COL16A1: variants seen among roughly 807,000 people sequenced by gnomAD.
The protein encoded by COL16A1 is collagen type XVI alpha 1 chain, also known as collagen alpha-1(XVI) chain.
A neutral mutation model predicts 266.3 loss-of-function variants in COL16A1; 189 were observed. The observed-to-expected ratio is 0.71, with a 90% CI of 0.63 to 0.80. COL16A1 has a LOEUF of 0.80. Among genes scored for constraint, COL16A1 ranks in the 30% least tolerant of loss-of-function variants. COL16A1 has a pLI of 0.00. For synonymous variants in COL16A1, 740 were observed against 782.3 expected (o/e 0.95, Z 0.90); for missense variants, 1,928 against 2,122.4 (o/e 0.91, Z 1.80).
chr1:31,679,539 G>C (rs113432435), intron 42 of COL16A1, 93 bp downstream of exon 42: 10 of 1,613,982 alleles, frequency 6.2e-6, no homozygotes, highest in African/African-American at 5.3e-5. Flanking sequence ...TTTTTGGGGT[G>C]GGGGAGCAGC....
In COL16A1 at chr1:31,655,487, C is replaced by T. The variant is rs1158943256; in HGVS notation, c.4117G>A (p.Ala1373Thr). 2 of 1,614,054 alleles carry T rather than the reference C, an allele frequency of 1.2e-6. No homozygotes were observed. The highest frequency in any genetic ancestry group is 2.7e-5 in the African/African-American group (2 of 75,034). Residue 1373 changes from alanine (A) to threonine (T), a missense_variant, in exon 67 of 71, where the codon GCA becomes ACA. Physicochemically the swap from Ala to Thr is moderately conservative, Grantham distance 58. This residue lies in a region of COL16A1 where 376 missense variants were observed against 485.2 expected (regional missense o/e 0.77). Transcript: ENST00000373672. ...PPGPKGDPGA[A>T]GQKGQAGEKG... ...TCTCCTGCCTGGCCCTTCTGTCCTG[C>T]AGCTCCTGGATCACCCTACAAAGAT...
chr1:31,657,820 G>A lies in COL16A1; in HGVS notation c.4020+668C>T, dbSNP rs1347478394. 1.3e-5 allele frequency among the ~76,000 whole-genome samples: 2 copies of A among 152,348 alleles called. No individual in the cohort carries two copies. The highest frequency in any genetic ancestry group is 2.1e-4 in the South Asian group (1 of 4,832). On this transcript the variant is annotated intron_variant, in intron 64 of 70. Transcript: ENST00000373672. The surrounding 1 kb of genome is among the most constrained non-coding windows in gnomAD (Gnocchi z 6.4). ...GTTCACCTGTCTGGAACTTTTGAGAGAGGTAGATTTGCAGAGTGGCTAAGG... is the reference window on the plus strand; with the variant it reads ...GTTCACCTGTCTGGAACTTTTGAGAAAGGTAGATTTGCAGAGTGGCTAAGG...
chr1:31,689,903 G>C (rs761163394), intron 22 of COL16A1, 52 bp from the exon 23 acceptor site: 6 of 1,519,840 alleles, frequency 3.9e-6, no homozygotes, highest in Non-Finnish European at 5.5e-6. Context: ...AGACCCCAGG[G>C]AAGGCAAGGG....
rs1643051849 is a variant in COL16A1 at position 31,674,947 on chromosome 1, G to A, written c.2859+60C>T. The stretch of plus-strand genomic sequence containing the variant: ...TGCCACACAGCTGAGCACTTACTAA[G>A]AGAATCCCCTTAGGAGACACCCCCG... On this transcript the variant is annotated intron_variant, in intron 44 of 70. Transcript: ENST00000373672. 1.9e-6 allele frequency: 3 copies of A among 1,595,702 alleles called. No individual in the cohort carries two copies. In the South Asian group the frequency reaches 3.4e-5, roughly 18 times the overall value.
intron 68 of COL16A1, 133 bp from the exon 69 acceptor site, chr1:31,654,176 A>T: frequency 7.4e-7 from 1 of 1,349,902 alleles, no homozygotes; most frequent in Non-Finnish European, 9.9e-7. Context: ...CAGGGCAAGG[A>T]GTATGGGGGT....
chr1:31,677,264 T>C (rs1346008522), intron 42 of COL16A1, among the ~76,000 whole-genome samples: 1 of 152,240 alleles, frequency 6.6e-6, no homozygotes, highest in Non-Finnish European at 1.5e-5. Context: ...TCTTTTTGTA[T>C]TTTTAGTAGA....
chr1:31,670,242 A>C lies in COL16A1; in HGVS notation c.3195+360T>G. 5.8e-5 allele frequency: 14 copies of C among 241,950 alleles called. No homozygotes were observed. Among genetic ancestry groups the C allele is most frequent in the Admixed American group, 1.1e-4 (2 of 17,820 alleles). The allele number at this position is 241,950 out of a possible 1,614,324, so 15.0% of individuals were successfully genotyped here. On this transcript the variant is annotated intron_variant, in intron 49 of 70. Transcript: ENST00000373672. The surrounding 1 kb of genome is among the most constrained non-coding windows in gnomAD (Gnocchi z 4.5). ...CAGGAGGCAGAGCGAGAAGGCAGGA[A>C]TGGAGGGGCCCCCTAGAGGCACCAG...
Position 31,689,656 on chromosome 1 carries a change from T to C in COL16A1, c.1620+85A>G, listed in dbSNP as rs147951672. The C allele has an allele frequency of 1.7e-4, 187 of 1,092,174 alleles. 1 individual carries two copies. The African/African-American group carries it at 2.3e-3, about 14-fold the overall frequency. The allele number at this position is 1,092,174 out of a possible 1,614,324, so 67.7% of individuals were successfully genotyped here. A position where few individuals can be genotyped will look rare whatever the true frequency, so the allele number is the denominator to read the frequency against. On this transcript the variant is annotated intron_variant, in intron 23 of 70. Transcript: ENST00000373672. ...GTAGCCACGAGAAGTACCCAGCCCC[T>C]CTGCCCAATTCCTCTCTATGATCAT...
intron 57 of COL16A1, 52 bp downstream of exon 57, chr1:31,662,535 C>T (rs764897855): frequency 1.9e-6 from 3 of 1,548,068 alleles, no homozygotes; most frequent in Non-Finnish European, 2.6e-6. Context: ...ATGCACCACA[C>T]ACATGCGCAT....
At position 31,665,158 on chromosome 1, in the gene COL16A1, A is replaced by G; in HGVS notation, c.3555+14T>C. The G allele has an allele frequency of 6.2e-7, 1 of 1,604,666 alleles. No homozygotes were observed. Among genetic ancestry groups the G allele is most frequent in the East Asian group, 2.2e-5 (1 of 44,688 alleles). On this transcript the variant is annotated intron_variant, in intron 56 of 70. Transcript: ENST00000373672. The stretch of plus-strand genomic sequence containing the variant: ...CTCAGATCTGTGACTTTGCCAACCC[A>G]GGGTCCTGCTCACCTTCTCTGCTTG...
rs996446463 is a variant in COL16A1, at chr1:31,685,483, G to T, written c.2016+156C>A. 8.7e-4 allele frequency among the ~76,000 whole-genome samples: 133 copies of T among 152,206 alleles called. 1 individual carries two copies. The highest frequency in any genetic ancestry group is 3.4e-3 in the Middle Eastern group (1 of 294). On this transcript the variant is annotated intron_variant, in intron 29 of 70. Coordinates refer to ENST00000373672, the MANE Select transcript of COL16A1 (RefSeq NM_001856.4). This position sits in a 1 kb window ranked among gnomAD's most constrained non-coding sequence, Gnocchi z 4.0. ...GGATAAAGGGCAGAGACCTGTGAGG[G>T]CCGCTCCTGCTGGAGACAGAGGCTC...
chr1:31,698,532 T>A lies in COL16A1; in HGVS notation c.341A>T (p.Gln114Leu). 2 of 1,614,170 alleles carry A rather than the reference T, an allele frequency of 1.2e-6. No homozygotes were observed. ...CACTTGAAACAGATACCACGTCTTC[T>A]GGTGGGTGTGTTTCTTCAGCAGTAG... ...LTLLLKKHTH[Q>L]KTWYLFQVTD... Residue 114 changes from glutamine (Q) to leucine (L), a missense_variant, in exon 5 of 71, where the codon CAG becomes CTG. Transcript: ENST00000373672. The surrounding 1 kb of genome is among the most constrained non-coding windows in gnomAD (Gnocchi z 4.1).
Position 31,681,326 on chromosome 1 carries a change from C to T in COL16A1, c.2539-259G>A, listed in dbSNP as rs183139996. Among the ~76,000 whole-genome samples, 34 of 152,362 alleles carry T rather than the reference C, an allele frequency of 2.2e-4. No homozygotes were observed. The East Asian group carries it at 6.0e-3, about 27-fold the overall frequency. On this transcript the variant is annotated intron_variant, in intron 37 of 70. Coordinates refer to ENST00000373672, the MANE Select transcript of COL16A1 (RefSeq NM_001856.4). ...CTGAATGGAATCCGCTCTCCCAGCC[C>T]GGCAGGACGGTATTGTTCTGGTTTT...
In COL16A1 at chr1:31,685,601, TC is replaced by T; in HGVS notation, c.2016+37del. The T allele has an allele frequency of 6.9e-7, 1 of 1,453,588 alleles. No homozygotes were observed. Among genetic ancestry groups the T allele is most frequent in the African/African-American group, 1.4e-5 (1 of 69,634 alleles). 90.0% of individuals were successfully genotyped at this position (1,453,588 alleles called of 1,614,324 possible). On this transcript the variant is annotated intron_variant, in intron 29 of 70. Transcript: ENST00000373672. This position sits in a 1 kb window ranked among gnomAD's most constrained non-coding sequence, Gnocchi z 4.0. ...TCCCCTCTCCTTAGCCCCGCCTGCA[TC>T]CCCCGTCCAGAGGCCCCTGCCTATA...
Position 31,655,302 on chromosome 1 carries a change from C to T in COL16A1, c.4290+12G>A, listed in dbSNP as rs1641029352. On this transcript the variant is annotated intron_variant, in intron 67 of 70. Coordinates refer to ENST00000373672, the MANE Select transcript of COL16A1 (RefSeq NM_001856.4). ...TGGGACAGTGCCCACAGCTGCCAGC[C>T]TTCCCCCTTACCATGGAGCCAGGCA... The T allele has an allele frequency of 6.2e-7, 1 of 1,610,550 alleles. No individual in the cohort carries two copies. The highest frequency in any genetic ancestry group is 2.2e-5 in the East Asian group (1 of 44,828).
Position 31,655,321 on chromosome 1 carries a change from C to T in COL16A1, c.4283G>A (p.Gly1428Asp). The T allele has an allele frequency of 6.2e-7, 1 of 1,612,970 alleles. No individual in the cohort carries two copies. The highest frequency in any genetic ancestry group is 8.5e-7 in the Non-Finnish European group (1 of 1,179,524). The change falls in exon 67 of 71, where the codon GGC becomes GAC. Residue 1428 changes from glycine (G) to aspartate (D), a missense_variant. By Grantham distance (94) the Gly-to-Asp change is moderately conservative. Transcript: ENST00000373672. ...SGSPGLPGVP[G>D]SMGDMVNYDE... The stretch of plus-strand genomic sequence containing the variant: ...GCCAGCCTTCCCCCTTACCATGGAG[C>T]CAGGCACACCAGGCAAGCCAGGGCT...
At chr1:31,672,089 C>A (rs1324191358) in intron 47 of COL16A1, among the ~76,000 whole-genome samples, 3 of 152,084 alleles carry the variant, frequency 2.0e-5, no homozygotes, top group Non-Finnish European at 4.4e-5. Flanking sequence ...GGACTGGAGG[C>A]TCTGGGGTTG....
rs1441182833 is a variant in COL16A1 at position 31,664,815 on chromosome 1, C to T, written c.3555+357G>A. ...TCTCAGCTCCTCGCTCATCCTCCCG[C>T]CCAGGAGACGAAGGTGGCCTGGGCT... On this transcript the variant is annotated intron_variant, in intron 56 of 70. Transcript: ENST00000373672. This position sits in a 1 kb window ranked among gnomAD's most constrained non-coding sequence, Gnocchi z 5.5. Among the ~76,000 whole-genome samples the T allele has an allele frequency of 3.9e-5, 6 of 152,168 alleles. No homozygotes were observed. Among genetic ancestry groups the T allele is most frequent in the Admixed American group, 2.0e-4 (3 of 15,274 alleles).
chr1:31,680,047 T>C lies in COL16A1; in HGVS notation c.2665A>G (p.Met889Val). The C allele has an allele frequency of 6.2e-7, 1 of 1,613,948 alleles. No individual in the cohort carries two copies. Among genetic ancestry groups the C allele is most frequent in the Admixed American group, 1.7e-5 (1 of 59,998 alleles). The stretch of plus-strand genomic sequence containing the variant: ...GCTCTCACAGCGCCACTTACCGGCA[T>C]GCCAGAGAAGATGAGGTCTCCTTGA... ...PSQGDLIFSG[M>V]PGAPGLWMGS... is the part of the protein sequence containing the mutation. The change falls in exon 40 of 71, where the codon ATG (methionine) becomes GTG (valine). Residue 889 changes from methionine to valine, a missense_variant. Met to Val is a conservative substitution (Grantham distance 21). Coordinates refer to ENST00000373672, the MANE Select transcript of COL16A1 (RefSeq NM_001856.4).
Sources: allele counts gnomAD v4.1 joint callset (sites outside exome capture counted in the v4.1 genomes callset), GRCh38; gene constraint gnomAD v4.1.1; regional missense constraint gnomAD v4.1.1; non-coding constraint Gnocchi (gnomAD v3.1); transcripts MANE v1.5; gene names NCBI Gene and HGNC (gene_info 2026-07-23, HGNC 2026-07-21).